The following ARHGEF26 variants were observed in gnomAD, a reference collection of about 807,000 sequenced individuals.
ARHGEF26 encodes Rho guanine nucleotide exchange factor (GEF) 26.
ARHGEF26 carries 59 observed loss-of-function variants against 89.4 expected under a neutral mutation model. The observed-to-expected ratio is 0.66, with a 90% CI of 0.54 to 0.82. The LOEUF (loss-of-function observed/expected upper bound fraction) is 0.82, where lower values mean the gene tolerates loss of function less well. Among genes scored for constraint, ARHGEF26 ranks in the 40% least tolerant of loss-of-function variants. The pLI, the probability that ARHGEF26 is intolerant of heterozygous loss-of-function variation, is 0.00. For synonymous variants in ARHGEF26, 500 were observed against 428.4 expected (o/e 1.17, Z -2.06); for missense variants, 1,234 against 1,085.6 (o/e 1.14, Z -1.92).
chr3:154,252,188 T>C (rs1261300869), intron 12 of ARHGEF26, among the ~76,000 whole-genome samples: 1 of 152,112 alleles, frequency 6.6e-6, no homozygotes, highest in African/African-American at 2.4e-5. Context: ...TTCTTAAGAA[T>C]GTAGAGTGGC....
chr3:154,149,856 G>C (rs1452892046), intron 5 of ARHGEF26, among the ~76,000 whole-genome samples: 2 of 151,622 alleles, frequency 1.3e-5, no homozygotes, highest in Non-Finnish European at 2.9e-5. Flanking sequence ...TAGCATACAA[G>C]GGTCTCTGAA....
At chr3:154,175,096 G>A (rs558873140) in intron 6 of ARHGEF26, among the ~76,000 whole-genome samples, 24 of 152,230 alleles carry the variant, frequency 1.6e-4, no homozygotes, top group Admixed American at 5.9e-4. Flanking sequence ...ACCATTCTGT[G>A]TCATAAGACT....
intron 10 of ARHGEF26, 23 bp downstream of exon 10, chr3:154,217,981 A>T: frequency 1.3e-6 from 2 of 1,543,196 alleles, no homozygotes; most frequent in Non-Finnish European, 1.8e-6. Flanking sequence ...CTTGTTCATT[A>T]CTGTTCTTGC....
chr3:154,230,496 TTTTG>T (rs367841832), intron 11 of ARHGEF26, among the ~76,000 whole-genome samples: 269 of 152,306 alleles, frequency 1.8e-3, no homozygotes, highest in African/African-American at 6.1e-3. Context: ...CTTACAACTT[TTTTG>T]TTTGTTTGGA....
intron 9 of ARHGEF26, among the ~76,000 whole-genome samples, chr3:154,197,304 G>A (rs1714353472): frequency 6.6e-6 from 1 of 152,088 alleles, no homozygotes; most frequent in Non-Finnish European, 1.5e-5. Context: ...TTTTTTATTT[G>A]TAAAGGTTAC....
intron 11 of ARHGEF26, among the ~76,000 whole-genome samples, chr3:154,236,312 C>T (rs903886122): frequency 6.6e-6 from 1 of 152,212 alleles, no homozygotes; most frequent in Non-Finnish European, 1.5e-5. Flanking sequence ...ACTGTTTACA[C>T]TTCAAGCAAC....
At chr3:154,254,917 C>T in intron 14 of ARHGEF26, 93 bp downstream of exon 14, 1 of 1,007,150 alleles carries the variant, frequency 9.9e-7, no homozygotes. Context: ...TGCCCATATT[C>T]CAAATCTTGA....
rs771999022 is a variant in ARHGEF26, at chr3:154,149,440, C to A, written c.1321C>A (p.Gln441Lys). Residue 441 changes from glutamine to lysine, a missense_variant, in exon 5 of 15, where the codon CAA (glutamine) becomes AAA (lysine). Coordinates refer to ENST00000465093, the MANE Select transcript of ARHGEF26 (RefSeq NM_015595.4). ...AGTAAGCCAGGAGGAAAGAAAGAGACAAGAGGTATGTTTCTACCGAGCAGC... is the reference window on the plus strand; with the variant it reads ...AGTAAGCCAGGAGGAAAGAAAGAGAAAAGAGGTATGTTTCTACCGAGCAGC... ...QTVSQEERKR[Q>K]EAIFEVISSE... 3 of 1,607,348 alleles carry A rather than the reference C, an allele frequency of 1.9e-6. No homozygotes were observed. Among genetic ancestry groups the A allele is most frequent in the African/African-American group, 2.7e-5 (2 of 74,864 alleles).
intron 3 of ARHGEF26, 105 bp downstream of exon 3, chr3:154,124,554 G>A (rs908342281): frequency 4.8e-5 from 48 of 1,008,350 alleles, no homozygotes; most frequent in Middle Eastern, 2.1e-4. Flanking sequence ...TGAGAAATAT[G>A]TCCAACTTCT....
At chr3:154,212,946 T>A (rs1259774167) in intron 9 of ARHGEF26, among the ~76,000 whole-genome samples, 1 of 152,158 alleles carries the variant, frequency 6.6e-6, no homozygotes, top group Non-Finnish European at 1.5e-5. Flanking sequence ...CCTAAATGAT[T>A]GTGCACATCT....
chr3:154,185,341 G>A (rs1197315489), intron 6 of ARHGEF26, among the ~76,000 whole-genome samples: 2 of 152,052 alleles, frequency 1.3e-5, no homozygotes, highest in Non-Finnish European at 2.9e-5. Context: ...TGCAAGTATT[G>A]GGTCCCCAGG....
At chr3:154,219,043 T>C (rs1183025780) in intron 10 of ARHGEF26, among the ~76,000 whole-genome samples, 6 of 152,196 alleles carry the variant, frequency 3.9e-5, no homozygotes, top group Non-Finnish European at 1.5e-5. Flanking sequence ...CAGACACACA[T>C]GCACACACAT....
intron 4 of ARHGEF26, among the ~76,000 whole-genome samples, chr3:154,143,015 G>A (rs946667628): frequency 6.6e-6 from 1 of 152,170 alleles, no homozygotes; most frequent in Non-Finnish European, 1.5e-5. Context: ...CAGCAACAAA[G>A]AAATAGAGGT....
intron 6 of ARHGEF26, among the ~76,000 whole-genome samples, chr3:154,156,359 C>T (rs1223294247): frequency 1.3e-5 from 2 of 151,852 alleles, no homozygotes; most frequent in African/African-American, 4.8e-5. Flanking sequence ...TCGTAAGGGG[C>T]TATTTTGAAC....
intron 4 of ARHGEF26, among the ~76,000 whole-genome samples, chr3:154,137,422 GGA>G (rs1476920381): frequency 1.3e-5 from 2 of 152,076 alleles, no homozygotes; most frequent in African/African-American, 4.8e-5. Context: ...TATAACTGTA[GGA>G]GATAAATTTC....
chr3:154,166,460 C>T (rs1712045459), intron 6 of ARHGEF26, among the ~76,000 whole-genome samples: 1 of 152,162 alleles, frequency 6.6e-6, no homozygotes, highest in East Asian at 1.9e-4. Context: ...AACGTTCATG[C>T]TCTGAAAAAC....
chr3:154,241,373 T>A (rs1174084560), intron 12 of ARHGEF26, among the ~76,000 whole-genome samples: 1 of 152,186 alleles, frequency 6.6e-6, no homozygotes, highest in East Asian at 1.9e-4. Flanking sequence ...TCCAACTCCA[T>A]GTCTGCCAGG....
intron 4 of ARHGEF26, among the ~76,000 whole-genome samples, chr3:154,139,404 TATTCTC>T (rs1466776426): frequency 6.6e-6 from 1 of 152,236 alleles, no homozygotes; most frequent in Non-Finnish European, 1.5e-5. Context: ...ATTTTGGACT[TATTCTC>T]AACTAGCTAT....
chr3:154,124,426 G>T lies in ARHGEF26; in HGVS notation c.1100G>T (p.Gly367Val). Reference protein sequence around the residue: ...LGRIKKKMLKGQGTFDGEENA... With the variant: ...LGRIKKKMLKVQGTFDGEENA... ...GTCTCTTAGAAAAAAATGCTGAAAG[G>T]ACAAGGAACATTTGATGGGGAAGGT... The change falls in exon 3 of 15, where the codon GGA becomes GTA. Residue 367 changes from glycine to valine, a missense_variant. By Grantham distance (109) the Gly-to-Val change is moderately radical (BLOSUM62 -3). Transcript: ENST00000465093. The T allele has an allele frequency of 1.3e-6, 2 of 1,493,756 alleles. No homozygotes were observed. The highest frequency in any genetic ancestry group is 2.8e-5 in the Admixed American group (1 of 36,090). 92.5% of individuals were successfully genotyped at this position (1,493,756 alleles called of 1,614,324 possible). A position where few individuals can be genotyped will look rare whatever the true frequency, so the allele number is the denominator to read the frequency against.
Sources: allele counts gnomAD v4.1 joint callset (sites outside exome capture counted in the v4.1 genomes callset), GRCh38; gene constraint gnomAD v4.1.1; transcripts MANE v1.5; gene names NCBI Gene and HGNC (gene_info 2026-07-23, HGNC 2026-07-21).